The following PRKCD variants were observed in gnomAD, a reference collection of about 807,000 sequenced individuals.
The protein encoded by PRKCD is protein kinase C delta type.
In PRKCD, 20 loss-of-function variants were observed where a neutral mutation model predicts 82.2. That is an observed-to-expected ratio of 0.24 (90% CI 0.17 to 0.35). The LOEUF (loss-of-function observed/expected upper bound fraction) is 0.35. Among genes scored for constraint, PRKCD ranks in the 10% least tolerant of loss-of-function variants. PRKCD has a pLI of 1.00. For missense variants in PRKCD, 607 were observed against 899.0 expected (o/e 0.68, Z 4.15); for synonymous variants, 317 against 337.0 (o/e 0.94, Z 0.65).
At chr3:53,167,252 G>A (rs797043314) in intron 2 of PRKCD, among the ~76,000 whole-genome samples, 16 of 152,318 alleles carry the variant, frequency 1.1e-4, no homozygotes, top group South Asian at 6.2e-4. Flanking sequence ...GGGGAGCAGC[G>A]TCTGGCCACC....
intron 18 of PRKCD, among the ~76,000 whole-genome samples, chr3:53,191,776 T>C (rs531443175): frequency 6.6e-6 from 1 of 152,382 alleles, no homozygotes; most frequent in South Asian, 2.1e-4. Flanking sequence ...TTTCCAACCA[T>C]TTAAAAATGT....
intron 7 of PRKCD, among the ~76,000 whole-genome samples, chr3:53,182,786 T>A (rs936349975): frequency 1.3e-5 from 2 of 152,154 alleles, no homozygotes; most frequent in Non-Finnish European, 2.9e-5. Flanking sequence ...TTAGGAGCCG[T>A]TTGCTATCCC....
intron 17 of PRKCD, 30 bp downstream of exon 17, chr3:53,189,276 C>G (rs1703835767): frequency 3.1e-6 from 4 of 1,307,266 alleles, no homozygotes; most frequent in Non-Finnish European, 4.1e-6. Flanking sequence ...CTGGGCTGGT[C>G]TGGGCTGGGC....
Position 53,186,291 on chromosome 3 carries a change from C to G in PRKCD, c.1211C>G (p.Ala404Gly), listed in dbSNP as rs782150167. The G allele has an allele frequency of 5.0e-6, 8 of 1,614,174 alleles. No homozygotes were observed. The South Asian group carries it at 8.8e-5, about 18-fold the overall frequency. The change falls in exon 13 of 19, where the codon GCC becomes GGC. Residue 404 changes from alanine (A) to glycine (G), a missense_variant. Physicochemically the swap from Ala to Gly is moderately conservative, Grantham distance 60. Transcript: ENST00000330452. ...GTTGAGAAGCGGGTGCTGACACTTG[C>G]CGCAGAGAATCCCTTTCTCACCCAC... ...TMVEKRVLTL[A>G]AENPFLTHLI...
intron 1 of PRKCD, among the ~76,000 whole-genome samples, chr3:53,164,511 A>C (rs1702771896): frequency 6.6e-6 from 1 of 152,002 alleles, no homozygotes; most frequent in Non-Finnish European, 1.5e-5. Flanking sequence ...TGAGACCAGG[A>C]GGCAGAGGTT....
Position 53,161,263 on chromosome 3 carries a change from C to T in PRKCD, c.-297C>T, listed in dbSNP as rs1366545707. ...CGAGGCGGCTGTAGCCCACATCTCC[C>T]GAGCGACCCCCGGCGCCCGCCCGCC... is the stretch of plus-strand genomic sequence containing the variant. On this transcript the variant is annotated 5_prime_UTR_variant, in exon 1 of 19. Transcript: ENST00000330452. The T allele has an allele frequency of 8.7e-5, 13 of 149,452 alleles. No individual in the cohort carries two copies. Among genetic ancestry groups the T allele is most frequent in the Admixed American group, 6.6e-4 (10 of 15,068 alleles). 9.3% of individuals were successfully genotyped at this position (149,452 alleles called of 1,614,324 possible).
At chr3:53,162,079 A>T (rs1553663097) in intron 1 of PRKCD, among the ~76,000 whole-genome samples, 2 of 151,110 alleles carry the variant, frequency 1.3e-5, no homozygotes, top group South Asian at 2.1e-4. Flanking sequence ...CGGTCTCAAG[A>T]GTCTTTCTCG....
chr3:53,190,652 G>A (rs1703894307), intron 18 of PRKCD, among the ~76,000 whole-genome samples: 1 of 152,184 alleles, frequency 6.6e-6, no homozygotes, highest in African/African-American at 2.4e-5. Flanking sequence ...GCAGAGGCAG[G>A]TGGGGCCACT....
intron 2 of PRKCD, among the ~76,000 whole-genome samples, chr3:53,170,641 G>A (rs926021732): frequency 6.6e-6 from 1 of 152,256 alleles, no homozygotes; most frequent in East Asian, 1.9e-4. Context: ...GAAAGGCCCA[G>A]CCTAGCCTGA....
intron 9 of PRKCD, 34 bp downstream of exon 9, chr3:53,183,615 G>C: frequency 6.2e-7 from 1 of 1,609,968 alleles, no homozygotes; most frequent in South Asian, 1.1e-5. Context: ...CTGCAGGAGG[G>C]GCACTCCCAG....
At chr3:53,184,228 G>A (rs1031858959) in intron 9 of PRKCD, among the ~76,000 whole-genome samples, 7 of 151,924 alleles carry the variant, frequency 4.6e-5, no homozygotes, top group African/African-American at 1.2e-4. Context: ...CCAGCTGCTC[G>A]GGAGGCTGAG....
At position 53,185,981 on chromosome 3, in the gene PRKCD, A is replaced by G. The variant is rs1553668944; in HGVS notation, c.1040A>G (p.Asn347Ser). 5.0e-6 allele frequency: 8 copies of G among 1,614,186 alleles called. No individual in the cohort carries two copies. Among genetic ancestry groups the G allele is most frequent in the Middle Eastern group, 1.6e-4 (1 of 6,062 alleles). The part of the protein sequence containing the change: ...IWEGSSKCNI[N>S]NFIFHKVLGK... Reference sequence around the variant, plus strand: ...GAGGGCAGCAGCAAGTGCAACATCAACAACTTCATCTTCCACAAGGTCCTG... The same window carrying G: ...GAGGGCAGCAGCAAGTGCAACATCAGCAACTTCATCTTCCACAAGGTCCTG... The change falls in exon 12 of 19, where the codon AAC becomes AGC. Residue 347 changes from asparagine (N) to serine (S), a missense_variant. By Grantham distance (46) the Asn-to-Ser change is conservative. This residue lies in a region of PRKCD where 85 missense variants were observed against 76.1 expected (regional missense o/e 1.12). Coordinates refer to ENST00000330452, the MANE Select transcript of PRKCD (RefSeq NM_006254.4).
chr3:53,166,945 G>A (rs1241226234), intron 2 of PRKCD, among the ~76,000 whole-genome samples: 1 of 152,266 alleles, frequency 6.6e-6, no homozygotes, highest in African/African-American at 2.4e-5. Flanking sequence ...AGAGGAAGTA[G>A]GCTGTCTGGC....
At chr3:53,180,037 T>C (rs1308608947) in intron 4 of PRKCD, among the ~76,000 whole-genome samples, 1 of 152,238 alleles carries the variant, frequency 6.6e-6, no homozygotes, top group African/African-American at 2.4e-5. Flanking sequence ...TAAATGTGCC[T>C]ACCTCAGGGT....
intron 2 of PRKCD, among the ~76,000 whole-genome samples, chr3:53,172,576 A>G (rs1703074754): frequency 6.6e-6 from 1 of 152,214 alleles, no homozygotes; most frequent in Non-Finnish European, 1.5e-5. Context: ...GCCACCTGCC[A>G]TGCAGTTGTG....
chr3:53,186,427 C>A, intron 13 of PRKCD, 87 bp downstream of exon 13: 3 of 1,518,062 alleles, frequency 2.0e-6, no homozygotes, highest in Non-Finnish European at 2.7e-6. Flanking sequence ...TGTGTCTCCC[C>A]TTCAGGCCAC....
chr3:53,177,072 C>T (rs201041625), intron 2 of PRKCD, among the ~76,000 whole-genome samples: 3 of 152,256 alleles, frequency 2.0e-5, no homozygotes, highest in South Asian at 4.1e-4. Flanking sequence ...TCAGGTGACT[C>T]GCCTGCCTTG....
intron 1 of PRKCD, among the ~76,000 whole-genome samples, chr3:53,162,178 C>T (rs1553663122): frequency 1.3e-5 from 2 of 152,086 alleles, no homozygotes. Flanking sequence ...GAGACCCCTC[C>T]CAGGGTGGCC....
chr3:53,163,204 G>T (rs533576418), intron 1 of PRKCD, among the ~76,000 whole-genome samples: 1 of 152,202 alleles, frequency 6.6e-6, no homozygotes, highest in Admixed American at 6.5e-5. Context: ...GTGTGGCCAC[G>T]GTAGGAGTGT....
Sources: allele counts gnomAD v4.1 joint callset (sites outside exome capture counted in the v4.1 genomes callset), GRCh38; gene constraint gnomAD v4.1.1; regional missense constraint gnomAD v4.1.1; transcripts MANE v1.5; gene names NCBI Gene and HGNC (gene_info 2026-07-23, HGNC 2026-07-21).